THSD7A: variants seen among roughly 807,000 people sequenced by gnomAD.
The protein encoded by THSD7A is thrombospondin type-1 domain-containing protein 7A.
A neutral mutation model predicts 231.3 loss-of-function variants in THSD7A; 96 were observed. The observed-to-expected ratio is 0.41, with a 90% confidence interval of 0.35 to 0.49. THSD7A has a LOEUF of 0.49. Among genes scored for constraint, THSD7A ranks in the 20% least tolerant of loss-of-function variants. The pLI, the probability that THSD7A is intolerant of heterozygous loss-of-function variation, is 0.05. For missense variants in THSD7A, 2,290 were observed against 2,070.2 expected (o/e 1.11, Z -2.06); for synonymous variants, 940 against 743.3 (o/e 1.26, Z -4.30).
intron 1 of THSD7A, among the ~76,000 whole-genome samples, chr7:11,639,643 G>A (rs1048662347): frequency 1.5e-4 from 23 of 151,686 alleles, no homozygotes; most frequent in Non-Finnish European, 3.1e-4. Flanking sequence ...ACTCCAGCCT[G>A]GGCAACAGAT....
chr7:11,771,571 T>A (rs527978596), intron 1 of THSD7A, among the ~76,000 whole-genome samples: 1 of 152,060 alleles, frequency 6.6e-6, no homozygotes, highest in East Asian at 1.9e-4. Context: ...AATTACTTTA[T>A]GCAATTTCAA....
chr7:11,459,651 T>C (rs948706984), intron 11 of THSD7A, among the ~76,000 whole-genome samples: 9 of 145,310 alleles, frequency 6.2e-5, no homozygotes, highest in African/African-American at 2.3e-4. Flanking sequence ...AAAGGAAGAT[T>C]ATAAAAACAG....
At chr7:11,422,846 T>C (rs898572602) in intron 16 of THSD7A, among the ~76,000 whole-genome samples, 13 of 152,062 alleles carry the variant, frequency 8.5e-5, no homozygotes, top group Non-Finnish European at 1.9e-4. Context: ...AGAGACAGGG[T>C]TTCACCATGT....
At chr7:11,819,210 A>T (rs1583316550) in intron 1 of THSD7A, among the ~76,000 whole-genome samples, 1 of 152,152 alleles carries the variant, frequency 6.6e-6, no homozygotes, top group East Asian at 1.9e-4. Flanking sequence ...AGAAATAGGA[A>T]CTCTCATTCA....
chr7:11,525,320 T>C (rs962029365), intron 6 of THSD7A, among the ~76,000 whole-genome samples: 2 of 152,074 alleles, frequency 1.3e-5, no homozygotes, highest in Non-Finnish European at 2.9e-5. Context: ...AAAAATACCA[T>C]AGAATATATA....
At chr7:11,401,765 A>C in intron 23 of THSD7A, 30 bp downstream of exon 23, 1 of 1,556,132 alleles carries the variant, frequency 6.4e-7, no homozygotes, top group Non-Finnish European at 8.7e-7. Context: ...GCTTTTGCTT[A>C]AGATAGAGTA....
chr7:11,803,201 T>G (rs569316112), intron 1 of THSD7A, among the ~76,000 whole-genome samples: 2 of 152,304 alleles, frequency 1.3e-5, no homozygotes, highest in South Asian at 4.1e-4. Flanking sequence ...AAATGCCTGT[T>G]TTGTTTGGGT....
chr7:11,580,372 G>A (rs1340655162), intron 4 of THSD7A, among the ~76,000 whole-genome samples: 1 of 152,080 alleles, frequency 6.6e-6, no homozygotes, highest in South Asian at 2.1e-4. Context: ...CACTCTCAGG[G>A]ATTAGACAGC....
At chr7:11,599,043 A>T (rs927748119) in intron 2 of THSD7A, among the ~76,000 whole-genome samples, 7 of 152,218 alleles carry the variant, frequency 4.6e-5, no homozygotes, top group African/African-American at 1.7e-4. Flanking sequence ...AGGTAAGGAA[A>T]AGTATGCATG....
chr7:11,650,995 C>A (rs1782479149), intron 1 of THSD7A, among the ~76,000 whole-genome samples: 1 of 151,812 alleles, frequency 6.6e-6, no homozygotes, highest in Non-Finnish European at 1.5e-5. Flanking sequence ...CTGTGATAGG[C>A]AAGCAAAATT....
intron 1 of THSD7A, among the ~76,000 whole-genome samples, chr7:11,817,401 C>G (rs1784739242): frequency 1.3e-5 from 2 of 152,150 alleles, no homozygotes; most frequent in Admixed American, 6.5e-5. Context: ...AACACTGGGG[C>G]AGAATGTCTC....
intron 23 of THSD7A, among the ~76,000 whole-genome samples, chr7:11,395,945 C>G (rs1331980353): frequency 6.6e-6 from 1 of 152,158 alleles, no homozygotes. Context: ...CAAACAGTCT[C>G]TCAGACACAG....
intron 9 of THSD7A, among the ~76,000 whole-genome samples, chr7:11,467,955 A>G (rs2128300293): frequency 6.6e-6 from 1 of 152,086 alleles, no homozygotes; most frequent in South Asian, 2.1e-4. Context: ...ACTACTCTGG[A>G]ATCAATTTAA....
intron 1 of THSD7A, among the ~76,000 whole-genome samples, chr7:11,772,174 AC>A (rs1430361666): frequency 6.6e-6 from 1 of 151,724 alleles, no homozygotes; most frequent in African/African-American, 2.4e-5. Context: ...ACTATCTCAC[AC>A]CAGTCAGAAT....
intron 13 of THSD7A, among the ~76,000 whole-genome samples, chr7:11,431,778 G>A (rs1784484945): frequency 6.6e-6 from 1 of 152,058 alleles, no homozygotes; most frequent in Non-Finnish European, 1.5e-5. Flanking sequence ...GATCAACTTG[G>A]AAGCACTGCC....
intron 1 of THSD7A, among the ~76,000 whole-genome samples, chr7:11,665,222 T>C (rs1783083734): frequency 6.6e-6 from 1 of 152,122 alleles, no homozygotes; most frequent in Non-Finnish European, 1.5e-5. Flanking sequence ...GCCAACTCTC[T>C]GATCTAGTTA....
intron 9 of THSD7A, 106 bp downstream of exon 9, chr7:11,469,773 A>T: frequency 1.4e-6 from 1 of 714,588 alleles, no homozygotes; most frequent in African/African-American, 1.8e-5. Flanking sequence ...AATCAGGTTT[A>T]CATAGCCCTG....
At chr7:11,709,596 A>G (rs1211020784) in intron 1 of THSD7A, among the ~76,000 whole-genome samples, 2 of 151,028 alleles carry the variant, frequency 1.3e-5, no homozygotes, top group African/African-American at 4.8e-5. Context: ...TACCTGATAC[A>G]CTATTTTAAA....
chr7:11,627,799 T>C (rs1781520859), intron 2 of THSD7A, among the ~76,000 whole-genome samples: 1 of 152,190 alleles, frequency 6.6e-6, no homozygotes, highest in Admixed American at 6.5e-5. Context: ...ATGTTCTGAC[T>C]GCCTAGTTGC....
Sources: allele counts gnomAD v4.1 joint callset (sites outside exome capture counted in the v4.1 genomes callset), GRCh38; gene constraint gnomAD v4.1.1; transcripts MANE v1.5; gene names NCBI Gene and HGNC (gene_info 2026-07-23, HGNC 2026-07-21).